The following TNFAIP8 variants were observed in gnomAD, a reference collection of about 807,000 sequenced individuals.
TNFAIP8 encodes the protein tumor necrosis factor alpha-induced protein 8.
Under a neutral mutation model 13.3 loss-of-function variants are expected in TNFAIP8, and 7 were observed. That is an observed-to-expected ratio of 0.52 (90% CI 0.30 to 0.99). TNFAIP8 has a LOEUF of 0.99. Among genes scored for constraint, TNFAIP8 ranks in the 50% least tolerant of loss-of-function variants. TNFAIP8 has a pLI of 0.07. For missense variants in TNFAIP8, 258 were observed against 236.9 expected, an observed-to-expected ratio of 1.09 and a Z score of -0.58; for synonymous variants, 94 against 87.6, an observed-to-expected ratio of 1.07 and a Z score of -0.41.
At chr5:119,318,697 C>T (rs1749971349) in intron 1 of TNFAIP8, among the ~76,000 whole-genome samples, 1 of 144,112 alleles carries the variant, frequency 6.9e-6, no homozygotes, top group Non-Finnish European at 1.5e-5. Context: ...CTCCCCTCTC[C>T]TGTCCCTCTT....
intron 1 of TNFAIP8, among the ~76,000 whole-genome samples, chr5:119,329,091 G>A (rs1020861067): frequency 7.9e-5 from 12 of 152,226 alleles, no homozygotes; most frequent in Non-Finnish European, 1.8e-4. Context: ...AGCGAGTGCC[G>A]CAGCTGTGCT....
At chr5:119,274,692 G>C (rs1386412884) in intron 1 of TNFAIP8, among the ~76,000 whole-genome samples, 3 of 152,362 alleles carry the variant, frequency 2.0e-5, no homozygotes, top group African/African-American at 7.2e-5. Flanking sequence ...AGGAAGCAAG[G>C]ATTCCCTGCC....
chr5:119,285,450 A>G (rs917152320), intron 1 of TNFAIP8, among the ~76,000 whole-genome samples: 1 of 152,160 alleles, frequency 6.6e-6, no homozygotes, highest in Non-Finnish European at 1.5e-5. Context: ...ATTCTGCACA[A>G]GTGGCTTTGG....
chr5:119,373,673 G>A (rs887492169), intron 1 of TNFAIP8, among the ~76,000 whole-genome samples: 3 of 152,238 alleles, frequency 2.0e-5, no homozygotes, highest in African/African-American at 7.2e-5. Flanking sequence ...TTGGAAGACT[G>A]GACGTGTGGT....
At chr5:119,298,153 T>C (rs1749238928) in intron 1 of TNFAIP8, among the ~76,000 whole-genome samples, 1 of 152,228 alleles carries the variant, frequency 6.6e-6, no homozygotes, top group African/African-American at 2.4e-5. Flanking sequence ...GTCATTATGA[T>C]GTTAGCTGGT....
Position 119,396,093 on chromosome 5 carries a change from A to ATCCTT in TNFAIP8, c.*2712_*2713insTCCTT, listed in dbSNP as rs1753065842. ...GAAACTAGGGGAATAGAAGTTAAGGAATTTCCTGAGGTCACATGTGCTCGA... is the reference window on the plus strand; with the variant it reads ...GAAACTAGGGGAATAGAAGTTAAGGATCCTTATTTCCTGAGGTCACATGTGCTCGA... On this transcript the variant is annotated 3_prime_UTR_variant, in exon 2 of 2. Coordinates refer to ENST00000504771, the MANE Select transcript of TNFAIP8 (RefSeq NM_014350.4). 6.6e-6 allele frequency: 1 copy of ATCCTT among 152,212 alleles called. No homozygotes were observed. Among genetic ancestry groups the ATCCTT allele is most frequent in the South Asian group, 2.1e-4 (1 of 4,832 alleles). The allele number at this position is 152,212 out of a possible 1,614,324, so 9.4% of individuals were successfully genotyped here. A position where few individuals can be genotyped will look rare whatever the true frequency, so the allele number is the denominator to read the frequency against.
intron 1 of TNFAIP8, among the ~76,000 whole-genome samples, chr5:119,300,262 C>G (rs1255177066): frequency 6.6e-6 from 1 of 152,192 alleles, no homozygotes; most frequent in Non-Finnish European, 1.5e-5. Flanking sequence ...GCTGCCACCC[C>G]CAGTACCTTC....
chr5:119,372,829 C>T (rs973255574), intron 1 of TNFAIP8, among the ~76,000 whole-genome samples: 9 of 151,996 alleles, frequency 5.9e-5, no homozygotes, highest in East Asian at 3.9e-4. Context: ...GGCATGGTGG[C>T]GCACACCTGT....
At chr5:119,361,926 A>G (rs766396423) in intron 1 of TNFAIP8, among the ~76,000 whole-genome samples, 5 of 152,116 alleles carry the variant, frequency 3.3e-5, no homozygotes, top group Non-Finnish European at 7.4e-5. Flanking sequence ...CTAACAACAA[A>G]TGTTAACTGA....
At chr5:119,347,593 A>G (rs778298461) in intron 1 of TNFAIP8, among the ~76,000 whole-genome samples, 1 of 152,206 alleles carries the variant, frequency 6.6e-6, no homozygotes, top group African/African-American at 2.4e-5. Context: ...TAACTAGTAT[A>G]TATTTCTGCA....
chr5:119,377,020 G>A (rs1404377511), intron 1 of TNFAIP8, among the ~76,000 whole-genome samples: 1 of 152,068 alleles, frequency 6.6e-6, no homozygotes, highest in Non-Finnish European at 1.5e-5. Context: ...ATGTTTGTTT[G>A]TTTGTTTATA....
intron 1 of TNFAIP8, among the ~76,000 whole-genome samples, chr5:119,368,450 T>TGTGC (rs752166484): frequency 7.2e-6 from 1 of 138,804 alleles, no homozygotes; most frequent in Non-Finnish European, 1.6e-5. Flanking sequence ...TGTGTGTGTG[T>TGTGC]GTGTGTGTGC....
chr5:119,355,786 C>G (rs1306727154), upstream of TNFAIP8: 3 of 436,478 alleles, frequency 6.9e-6, no homozygotes, highest in Non-Finnish European at 9.7e-6. Flanking sequence ...GCCTGTGCCC[C>G]ACCTGCGTGC....
Position 119,296,890 on chromosome 5 carries a change from C to T in TNFAIP8, c.1+27983C>T, listed in dbSNP as rs549618656. Among the ~76,000 whole-genome samples, 28 of 152,002 alleles carry T rather than the reference C, an allele frequency of 1.8e-4. No homozygotes were observed. In the East Asian group the frequency reaches 4.6e-3, roughly 25 times the overall value. On this transcript the variant is annotated intron_variant, in intron 1 of 1. Coordinates refer to the TNFAIP8 transcript ENST00000274456. ...GTGTTGAGGAATTTATCCATTTCTT[C>T]TAGATTTTCTAGTTTATTTGCGTAG...
At chr5:119,382,305 A>G (rs1434604520) in intron 1 of TNFAIP8, among the ~76,000 whole-genome samples, 1 of 152,180 alleles carries the variant, frequency 6.6e-6, no homozygotes, top group Non-Finnish European at 1.5e-5. Context: ...TTTATGGTGC[A>G]TTCTGCCTAG....
intron 1 of TNFAIP8, among the ~76,000 whole-genome samples, chr5:119,321,619 A>C (rs1750058785): frequency 6.6e-6 from 1 of 152,098 alleles, no homozygotes; most frequent in Admixed American, 6.5e-5. Flanking sequence ...CACTCATCAC[A>C]CAGCTCACCT....
intron 1 of TNFAIP8, among the ~76,000 whole-genome samples, chr5:119,362,252 C>G (rs1057169920): frequency 3.3e-5 from 5 of 152,116 alleles, no homozygotes; most frequent in Admixed American, 2.6e-4. Context: ...CCTACTTATG[C>G]TGTGTGCTGG....
upstream of TNFAIP8, chr5:119,354,184 C>T (rs985466106): frequency 2.0e-5 from 3 of 152,168 alleles, no homozygotes; most frequent in African/African-American, 7.2e-5. Flanking sequence ...ATCAGCAGCT[C>T]CTGACTCAGG....
intron 1 of TNFAIP8, among the ~76,000 whole-genome samples, chr5:119,298,166 T>G (rs1463409047): frequency 6.6e-6 from 1 of 152,202 alleles, no homozygotes; most frequent in Non-Finnish European, 1.5e-5. Context: ...TAGCTGGTTA[T>G]TTTGCTCGTT....
Sources: gnomAD v4.1 joint callset for allele counts (sites outside exome capture counted in the v4.1 genomes callset) on GRCh38, gnomAD v4.1.1 for gene constraint, MANE v1.5 for transcripts, NCBI Gene and HGNC (gene_info 2026-07-23, HGNC 2026-07-21) for gene names.